Variants in MELK observed in about 807,000 individuals in gnomAD.
MELK encodes maternal embryonic leucine zipper kinase, also known as pEg3 kinase.
A neutral mutation model predicts 85.0 loss-of-function variants in MELK; 81 were observed. The ratio of observed to expected loss-of-function variants is 0.95; its 90% CI spans 0.80 to 1.15. MELK has a LOEUF of 1.15. Ranked by LOEUF, MELK falls within the 50% of genes most tolerant of loss-of-function variation. MELK has a pLI of 0.00. For synonymous variants in MELK, 252 were observed against 265.0 expected, an observed-to-expected ratio of 0.95 and a Z score of 0.48; for missense variants, 754 against 777.5, an observed-to-expected ratio of 0.97 and a Z score of 0.36.
At chr9:36,623,535 C>G (rs182393597) in intron 8 of MELK, among the ~76,000 whole-genome samples, 1 of 152,188 alleles carries the variant, frequency 6.6e-6, no homozygotes. Flanking sequence ...CAGAGGTGTT[C>G]TGCCCAAATA....
intron 11 of MELK, among the ~76,000 whole-genome samples, chr9:36,647,220 C>T (rs1830287238): frequency 6.6e-6 from 1 of 152,132 alleles, no homozygotes; most frequent in Non-Finnish European, 1.5e-5. Context: ...TTAGCACTAT[C>T]CAGGAATTGT....
chr9:36,618,125 TAAA>T (rs557742638), intron 8 of MELK, among the ~76,000 whole-genome samples: 1 of 143,296 alleles, frequency 7.0e-6, no homozygotes. Flanking sequence ...TCCATGTCTT[TAAA>T]AAAAAAAAAA....
At chr9:36,594,886 G>C in intron 5 of MELK, 115 bp downstream of exon 5, 4 of 1,171,286 alleles carry the variant, frequency 3.4e-6, no homozygotes, top group Non-Finnish European at 3.4e-6. Context: ...TGTTGTTGTT[G>C]CTCCAGTCAT....
chr9:36,607,484 A>G, intron 7 of MELK, 91 bp from the exon 8 acceptor site: 3 of 949,394 alleles, frequency 3.2e-6, no homozygotes, highest in Non-Finnish European at 5.0e-6. Context: ...TAGCTTTGCG[A>G]CAATTCTGTG....
intron 8 of MELK, among the ~76,000 whole-genome samples, chr9:36,614,182 G>A (rs1389051993): frequency 2.0e-5 from 3 of 149,580 alleles, no homozygotes; most frequent in Admixed American, 6.7e-5. Context: ...TGCAACCTCC[G>A]CCTCCTGGGT....
At chr9:36,642,628 C>T (rs1056309569) in intron 10 of MELK, among the ~76,000 whole-genome samples, 2 of 151,752 alleles carry the variant, frequency 1.3e-5, no homozygotes, top group African/African-American at 4.8e-5. Context: ...GGGGTTTCAC[C>T]ATGCTGGCCA....
rs1415368732 is a variant in MELK, at chr9:36,636,058, A to T, written c.834+2858A>T. Among the ~76,000 whole-genome samples, 259 of 152,040 alleles carry T rather than the reference A, an allele frequency of 1.7e-3. 2 individuals carry two copies. Among genetic ancestry groups the T allele is most frequent in the Non-Finnish European group, 1.9e-4 (13 of 67,962 alleles). On this transcript the variant is annotated intron_variant, in intron 10 of 17. Transcript: ENST00000298048. ...TGCCCTGGCCTCTCAAAGTGCTGGG[A>T]TTACAGGCGTGAGCCACTGTGCCTG...
intron 1 of MELK, among the ~76,000 whole-genome samples, chr9:36,574,286 CATT>C (rs969874624): frequency 6.6e-6 from 1 of 151,950 alleles, no homozygotes; most frequent in African/African-American, 2.4e-5. Context: ...TTACAGGCCA[CATT>C]ATAAACCATT....
intron 1 of MELK, among the ~76,000 whole-genome samples, chr9:36,576,240 G>T (rs1821633616): frequency 6.6e-6 from 1 of 152,070 alleles, no homozygotes; most frequent in Non-Finnish European, 1.5e-5. Context: ...CTCAGTACTG[G>T]GACCTGACCT....
intron 11 of MELK, among the ~76,000 whole-genome samples, chr9:36,647,473 TTTTCTTTTCTTTCTTTC>T (rs1288422142): frequency 6.6e-6 from 1 of 151,718 alleles, no homozygotes; most frequent in Non-Finnish European, 1.5e-5. Context: ...AAGCCTCTTC[TTTTCTTTTCTTTCTTTC>T]TTTCTTTTTT....
At chr9:36,620,410 G>T (rs773443656) in intron 8 of MELK, among the ~76,000 whole-genome samples, 12 of 152,122 alleles carry the variant, frequency 7.9e-5, no homozygotes, top group Non-Finnish European at 1.6e-4. Context: ...ACTGGTCCTT[G>T]TTTCCTTCAT....
In MELK at chr9:36,661,032, T is replaced by C. The variant is rs779507239; in HGVS notation, c.1176+3669T>C. Among the ~76,000 whole-genome samples the C allele has an allele frequency of 3.3e-5, 5 of 152,190 alleles. No individual in the cohort carries two copies. In the South Asian group the frequency reaches 1.0e-3, roughly 32 times the overall value. On this transcript the variant is annotated intron_variant, in intron 13 of 17. Transcript: ENST00000298048. ...AAAGAATAAAAAAAGACAGCTTTCA[T>C]AGTAGGGTCTTCTAGGGAACTACTG...
chr9:36,638,684 T>C (rs1829444700), intron 10 of MELK, among the ~76,000 whole-genome samples: 1 of 152,142 alleles, frequency 6.6e-6, no homozygotes, highest in Non-Finnish European at 1.5e-5. Flanking sequence ...TATACTGTGG[T>C]AAAATATAGG....
At chr9:36,645,404 G>A (rs1321744078) in intron 11 of MELK, among the ~76,000 whole-genome samples, 1 of 151,990 alleles carries the variant, frequency 6.6e-6, no homozygotes, top group Non-Finnish European at 1.5e-5. Context: ...TCCTTCTGGT[G>A]CATAAAACAT....
At chr9:36,584,652 A>C (rs948833608) in intron 3 of MELK, among the ~76,000 whole-genome samples, 1 of 150,734 alleles carries the variant, frequency 6.6e-6, no homozygotes, top group Non-Finnish European at 1.5e-5. Flanking sequence ...TTTTCTTATG[A>C]TACTCTTACT....
At chr9:36,633,489 C>T (rs974263267) in intron 10 of MELK, among the ~76,000 whole-genome samples, 1 of 152,132 alleles carries the variant, frequency 6.6e-6, no homozygotes, top group African/African-American at 2.4e-5. Flanking sequence ...CTCTGGGAAT[C>T]TTGGACAAGT....
rs34715003 is a variant in MELK at position 36,599,300 on chromosome 9, CAAAAAAAAAAAAAA to C, written c.475-83_475-70del. The C allele has an allele frequency of 2.2e-3, 836 of 379,398 alleles. 7 individuals carry two copies. In the African/African-American group the frequency reaches 0.023, roughly 10 times the overall value. The allele number at this position is 379,398 out of a possible 1,614,324, so 23.5% of individuals were successfully genotyped here. On this transcript the variant is annotated intron_variant, in intron 6 of 17. Transcript: ENST00000298048. ...TGGGTGACAGAGTGAGACTCCGTCT[CAAAAAAAAAAAAAA>C]AAAAAAAAAAGAATGTTTATCAAGG...
At chr9:36,659,290 A>G (rs1831564910) in intron 13 of MELK, among the ~76,000 whole-genome samples, 1 of 152,174 alleles carries the variant, frequency 6.6e-6, no homozygotes, top group Non-Finnish European at 1.5e-5. Flanking sequence ...TGCTGGGATT[A>G]CAGGCATGAG....
rs1352390037 is a variant in MELK, at chr9:36,642,993, G to A, written c.835-4G>A. The A allele has an allele frequency of 2.5e-6, 4 of 1,584,312 alleles. No homozygotes were observed. In the South Asian group the frequency reaches 3.5e-5, roughly 14 times the overall value. On this transcript the variant is annotated splice_polypyrimidine_tract_variant and splice_region_variant and intron_variant, in intron 10 of 17. Coordinates refer to ENST00000298048, the MANE Select transcript of MELK (RefSeq NM_014791.4). ...TTAATAAAGTGCATAATTTTTTTTT[G>A]TAGTTTATTCACCTCGATGATGATT...
Sources: gnomAD v4.1 joint callset for allele counts (sites outside exome capture counted in the v4.1 genomes callset) on GRCh38, gnomAD v4.1.1 for gene constraint, MANE v1.5 for transcripts, NCBI Gene and HGNC (gene_info 2026-07-23, HGNC 2026-07-21) for gene names.